Variants in TSPEAR observed in about 807,000 individuals in gnomAD.
TSPEAR encodes thrombospondin-type laminin G domain and EAR repeat-containing protein.
A neutral mutation model predicts 71.6 loss-of-function variants in TSPEAR; 69 were observed. That is an observed-to-expected ratio of 0.96 (90% CI 0.79 to 1.18). The LOEUF is 1.18. Ranked by LOEUF, TSPEAR falls within the 50% of genes most tolerant of loss-of-function variation. The pLI, the probability that TSPEAR is intolerant of heterozygous loss-of-function variation, is 0.00. For missense variants in TSPEAR, 971 were observed against 894.9 expected, an observed-to-expected ratio of 1.09 and a Z score of -1.09; for synonymous variants, 402 against 387.2, an observed-to-expected ratio of 1.04 and a Z score of -0.45.
At chr21:44,587,903 A>T (rs1555925880) in intron 1 of TSPEAR, among the ~76,000 whole-genome samples, 1 of 152,224 alleles carries the variant, frequency 6.6e-6, no homozygotes, top group African/African-American at 2.4e-5. Context: ...TAAATCTAAG[A>T]CCTGAAACTA....
intron 1 of TSPEAR, among the ~76,000 whole-genome samples, chr21:44,706,404 C>T (rs1042556023): frequency 6.6e-6 from 1 of 151,840 alleles, no homozygotes; most frequent in Non-Finnish European, 1.5e-5. Flanking sequence ...CATGCGCACG[C>T]ACCCATGCAC....
chr21:44,530,881 C>T (rs2052955730), intron 4 of TSPEAR, among the ~76,000 whole-genome samples, 162 bp downstream of exon 4: 1 of 152,232 alleles, frequency 6.6e-6, no homozygotes, highest in Non-Finnish European at 1.5e-5. Flanking sequence ...CAGGAGGAAA[C>T]AGCAAGCGTG....
chr21:44,575,579 C>G lies in TSPEAR; in HGVS notation c.83-7574G>C, dbSNP rs587689444. 3.7e-4 allele frequency among the ~76,000 whole-genome samples: 57 copies of G among 152,368 alleles called. 1 individual carries two copies. The highest frequency in any genetic ancestry group is 1.3e-3 in the African/African-American group (55 of 41,592). The stretch of plus-strand genomic sequence containing the variant: ...CGGGCCCTTGGGTTTGTCCCTAACC[C>G]TCCTGTGTTGTTAGTCGTGTCATAG... On this transcript the variant is annotated intron_variant, in intron 1 of 11. Coordinates refer to ENST00000323084, the MANE Select transcript of TSPEAR (RefSeq NM_144991.3).
chr21:44,509,306 A>G lies in TSPEAR; in HGVS notation c.1647T>C (p.Asp549=), dbSNP rs371690820. 2.3e-5 allele frequency: 37 copies of G among 1,613,846 alleles called. No homozygotes were observed. The highest frequency in any genetic ancestry group is 1.6e-4 in the Middle Eastern group (1 of 6,084). Residue 549 remains aspartate (D), a synonymous_variant, in exon 10 of 12, where the codon GAT becomes GAC. Coordinates refer to ENST00000323084, the MANE Select transcript of TSPEAR (RefSeq NM_144991.3). ...FLAVANSHSY[D]VEMQVQNDSY... is the part of the protein sequence containing the mutation. Reference sequence around the variant, plus strand: ...AATCATTCTGGACTTGCATCTCCACATCGTAGCTGTGACTGTTTGCCACAG... The same window carrying G: ...AATCATTCTGGACTTGCATCTCCACGTCGTAGCTGTGACTGTTTGCCACAG...
intron 1 of TSPEAR, chr21:44,601,786 C>G: frequency 1.3e-6 from 2 of 1,569,804 alleles, no homozygotes; most frequent in Non-Finnish European, 1.7e-6. Context: ...CACCTGCACC[C>G]CTGGATTCTT....
intron 1 of TSPEAR, chr21:44,677,424 A>C (rs1986369405): frequency 1.0e-6 from 1 of 981,510 alleles, no homozygotes; most frequent in African/African-American, 1.6e-5. Context: ...CTGCAGAGTG[A>C]CATTTGCAGT....
rs782425063 is a variant in TSPEAR, at chr21:44,499,821, C to T, written c.1972G>A (p.Glu658Lys). Residue 658 changes from glutamate to lysine, a missense_variant, in exon 12 of 12, where the codon GAG (glutamate) becomes AAG (lysine). Transcript: ENST00000323084. ...GAYLIYSSAK[E>K]PLSRVLRLRT... Reference sequence around the variant, plus strand: ...AGCCGCAGGACCCTGGAGAGGGGCTCCTTGGCGCTGGAGTAGATGAGGTAG... The same window carrying T: ...AGCCGCAGGACCCTGGAGAGGGGCTTCTTGGCGCTGGAGTAGATGAGGTAG... The T allele has an allele frequency of 6.3e-7, 1 of 1,582,750 alleles. No individual in the cohort carries two copies. Among genetic ancestry groups the T allele is most frequent in the South Asian group, 1.2e-5 (1 of 86,502 alleles).
chr21:44,694,130 G>C (rs996897542), intron 1 of TSPEAR, among the ~76,000 whole-genome samples: 3 of 152,246 alleles, frequency 2.0e-5, no homozygotes, highest in African/African-American at 7.2e-5. Context: ...CCATTCAATG[G>C]AGAAGGAATC....
chr21:44,631,777 T>C (rs1321851747), intron 1 of TSPEAR, among the ~76,000 whole-genome samples: 1 of 152,124 alleles, frequency 6.6e-6, no homozygotes, highest in Non-Finnish European at 1.5e-5. Flanking sequence ...TTAACTGGCC[T>C]GTAGGACAAC....
chr21:44,528,733 G>T (rs1262285844), intron 5 of TSPEAR, 150 bp from the exon 6 acceptor site: 3 of 1,035,328 alleles, frequency 2.9e-6, no homozygotes, highest in African/African-American at 3.3e-5. Flanking sequence ...GCACAAGCCT[G>T]CCACATCACA....
At chr21:44,550,591 C>T (rs1466872208) in intron 2 of TSPEAR, 1 of 1,519,520 alleles carries the variant, frequency 6.6e-7, no homozygotes, top group Non-Finnish European at 8.9e-7. Flanking sequence ...TGGGGCTGCT[C>T]CTTCTGTGCT....
chr21:44,530,901 T>C (rs1465020231), intron 4 of TSPEAR, 142 bp downstream of exon 4: 8 of 720,948 alleles, frequency 1.1e-5, no homozygotes, highest in Non-Finnish European at 2.0e-5. Flanking sequence ...GAAGGCCCTG[T>C]GGTAGAGACT....
chr21:44,675,907 G>T, intron 1 of TSPEAR: 2 of 758,240 alleles, frequency 2.6e-6, no homozygotes, highest in Non-Finnish European at 2.4e-6. Context: ...TGCCTACGGC[G>T]CTGGCATATG....
chr21:44,504,358 C>CAG (rs1569148747), intron 11 of TSPEAR, among the ~76,000 whole-genome samples: 1 of 115,000 alleles, frequency 8.7e-6, no homozygotes, highest in African/African-American at 3.5e-5. Flanking sequence ...GGTGAGCCCT[C>CAG]GGGGGAAGCA....
chr21:44,524,936 T>TAGTC (rs199559379), intron 8 of TSPEAR, among the ~76,000 whole-genome samples: 5 of 151,302 alleles, frequency 3.3e-5, no homozygotes, highest in Non-Finnish European at 7.4e-5. Flanking sequence ...GTCATTCAGG[T>TAGTC]AGTCAGTCAG....
intron 1 of TSPEAR, among the ~76,000 whole-genome samples, chr21:44,700,851 C>T (rs1290061037): frequency 1.3e-5 from 2 of 152,204 alleles, no homozygotes; most frequent in Non-Finnish European, 2.9e-5. Flanking sequence ...GTAATCCTCA[C>T]GTGGCCTTGT....
chr21:44,704,829 C>T (rs1176696799), intron 1 of TSPEAR, among the ~76,000 whole-genome samples: 4 of 95,630 alleles, frequency 4.2e-5, no homozygotes, highest in African/African-American at 9.7e-5. Context: ...TGTCACGTCA[C>T]GGCCCCGGCA....
chr21:44,631,430 A>C (rs898763161), intron 1 of TSPEAR, among the ~76,000 whole-genome samples: 1 of 152,174 alleles, frequency 6.6e-6, no homozygotes, highest in Non-Finnish European at 1.5e-5. Context: ...ATAAAAACAA[A>C]AAGAGGCCGA....
intron 1 of TSPEAR, among the ~76,000 whole-genome samples, chr21:44,611,110 C>T (rs1210459543): frequency 6.6e-6 from 1 of 152,008 alleles, no homozygotes; most frequent in South Asian, 2.1e-4. Flanking sequence ...TGGGTTAATG[C>T]TGAAATGAGT....
Sources: allele counts gnomAD v4.1 joint callset (sites outside exome capture counted in the v4.1 genomes callset), GRCh38; gene constraint gnomAD v4.1.1; transcripts MANE v1.5; gene names NCBI Gene and HGNC (gene_info 2026-07-23, HGNC 2026-07-21).